The following TMC7 variants were observed in gnomAD, a reference collection of about 807,000 sequenced individuals.
TMC7 encodes transmembrane channel like 7.
A neutral mutation model predicts 82.9 loss-of-function variants in TMC7; 54 were observed. The ratio of observed to expected loss-of-function variants is 0.65; its 90% CI spans 0.52 to 0.82. TMC7 has a LOEUF of 0.82. Ranked by LOEUF, TMC7 falls within the 40% of genes least tolerant of loss-of-function variation. TMC7 has a pLI of 0.00. For missense variants in TMC7, 820 were observed against 901.2 expected (o/e 0.91, Z 1.15); for synonymous variants, 350 against 337.9 (o/e 1.04, Z -0.39).
intron 1 of TMC7, among the ~76,000 whole-genome samples, chr16:18,991,015 AC>A (rs1242993322): frequency 6.6e-6 from 1 of 152,154 alleles, no homozygotes; most frequent in African/African-American, 2.4e-5. Flanking sequence ...GAAAAATAAA[AC>A]AAAATAGTGG....
intron 9 of TMC7, among the ~76,000 whole-genome samples, chr16:19,041,765 A>T (rs1027864950): frequency 6.6e-6 from 1 of 152,278 alleles, no homozygotes; most frequent in African/African-American, 2.4e-5. Flanking sequence ...GGGGTTGCAG[A>T]TGGTTTTCCA....
At chr16:19,037,420 T>C (rs994666325) in intron 7 of TMC7, among the ~76,000 whole-genome samples, 3 of 146,018 alleles carry the variant, frequency 2.1e-5, no homozygotes, top group African/African-American at 7.5e-5. Context: ...AAAAAAGTAG[T>C]TGGGCTAAGT....
At chr16:19,055,815 G>A (rs546470232) in intron 13 of TMC7, among the ~76,000 whole-genome samples, 7 of 152,142 alleles carry the variant, frequency 4.6e-5, no homozygotes, top group African/African-American at 1.7e-4. Flanking sequence ...ACCTACCCCC[G>A]TCACCTAGGT....
chr16:19,030,567 CT>C, intron 6 of TMC7, among the ~76,000 whole-genome samples, 198 bp downstream of exon 6: 1 of 150,434 alleles, frequency 6.6e-6, no homozygotes, highest in East Asian at 1.9e-4. Flanking sequence ...GAGTAGCAGA[CT>C]GAGGTTCTTC....
chr16:19,029,913 G>C (rs566422943), intron 5 of TMC7, among the ~76,000 whole-genome samples: 5 of 151,868 alleles, frequency 3.3e-5, no homozygotes, highest in Non-Finnish European at 7.4e-5. Flanking sequence ...CGGGGGTTTT[G>C]CCATGTTGGC....
At chr16:19,023,225 C>T in intron 5 of TMC7, 30 bp downstream of exon 5, 1 of 1,392,682 alleles carries the variant, frequency 7.2e-7, no homozygotes, top group Non-Finnish European at 1.0e-6. Flanking sequence ...CTTTGTTTAG[C>T]TCCTCAATCT....
rs186220663 is a variant in TMC7, at chr16:18,986,442, G to A, written c.67+2312G>A. 3.4e-3 allele frequency among the ~76,000 whole-genome samples: 520 copies of A among 151,312 alleles called. 1 individual carries two copies. The highest frequency in any genetic ancestry group is 5.1e-3 in the Non-Finnish European group (349 of 67,920). Reference sequence around the variant, plus strand: ...ATGGCGGCATGTGCCTGTAATCCCAGCTACTGGGGAGCCTGAGGCAGGAGA... The same window carrying A: ...ATGGCGGCATGTGCCTGTAATCCCAACTACTGGGGAGCCTGAGGCAGGAGA... On this transcript the variant is annotated intron_variant, in intron 1 of 15. Transcript: ENST00000304381.
chr16:19,058,706 TTTTC>T (rs1961876398), intron 14 of TMC7, among the ~76,000 whole-genome samples: 1 of 151,928 alleles, frequency 6.6e-6, no homozygotes, highest in Admixed American at 6.6e-5. Context: ...GAGATGAGGG[TTTTC>T]TTTATTTTTT....
intron 5 of TMC7, among the ~76,000 whole-genome samples, chr16:19,026,942 A>G (rs893113542): frequency 1.3e-5 from 2 of 149,858 alleles, no homozygotes; most frequent in African/African-American, 2.5e-5. Context: ...TTGTATTTTT[A>G]GTAGAGACAG....
In TMC7 at chr16:18,990,969, CAG is replaced by C. The variant is rs374634791; in HGVS notation, c.67+6842_67+6843del. ...GGGATATGATGGCTTAGCTTGGACT[CAG>C]AGGCCTGACATTCCTGTCTTCTTAT... On this transcript the variant is annotated intron_variant, in intron 1 of 15. Transcript: ENST00000304381. Among the ~76,000 whole-genome samples the C allele has an allele frequency of 3.2e-3, 483 of 152,254 alleles. 1 individual carries two copies. Among genetic ancestry groups the C allele is most frequent in the Middle Eastern group, 0.017 (5 of 294 alleles).
chr16:18,984,211 G>C, intron 1 of TMC7, 81 bp downstream of exon 1: 2 of 1,389,432 alleles, frequency 1.4e-6, no homozygotes, highest in Non-Finnish European at 1.9e-6. Flanking sequence ...CTGGAGGCTC[G>C]GCCTGGCCGC....
chr16:19,049,319 C>T (rs563736527), intron 12 of TMC7, among the ~76,000 whole-genome samples: 106 of 152,248 alleles, frequency 7.0e-4, no homozygotes, highest in African/African-American at 2.5e-3. Flanking sequence ...CCACTGCGCC[C>T]GGCCAAAGTG....
chr16:19,027,060 C>CAT (rs1960268488), intron 5 of TMC7, among the ~76,000 whole-genome samples: 1 of 44,228 alleles, frequency 2.3e-5, no homozygotes, highest in Non-Finnish European at 5.5e-5. Flanking sequence ...CCACACCTGA[C>CAT]CTTTTTTTTT....
At chr16:19,044,793 A>AT in intron 9 of TMC7, 91 bp from the exon 10 acceptor site, 1 of 587,170 alleles carries the variant, frequency 1.7e-6, no homozygotes, top group East Asian at 3.1e-5. Flanking sequence ...AAAAAAAAAA[A>AT]GGCAGCTTCT....
intron 11 of TMC7, 117 bp from the exon 12 acceptor site, chr16:19,046,946 A>T (rs1319256953): frequency 3.6e-6 from 3 of 828,654 alleles, no homozygotes; most frequent in Non-Finnish European, 5.7e-6. Flanking sequence ...CATCTTTAAG[A>T]CATTTGACTA....
chr16:19,045,915 G>T (rs995989587), intron 11 of TMC7, among the ~76,000 whole-genome samples: 1 of 151,744 alleles, frequency 6.6e-6, no homozygotes, highest in Non-Finnish European at 1.5e-5. Context: ...ATTTTTTGTA[G>T]AGAGGGGCTC....
At position 19,008,324 on chromosome 16, in the gene TMC7, G is replaced by A. The variant is rs77631142; in HGVS notation, c.68-848G>A. On this transcript the variant is annotated intron_variant, in intron 1 of 15. Transcript: ENST00000304381. ...TCTAGCTCTGGCCTGATATAGAAAC[G>A]ATAAGGGTTTTGGAGTCAGCCCTGG... Among the ~76,000 whole-genome samples the A allele has an allele frequency of 4.1e-3, 626 of 152,298 alleles. 6 individuals carry two copies. Among genetic ancestry groups the A allele is most frequent in the African/African-American group, 0.014 (590 of 41,566 alleles).
chr16:19,027,023 A>G (rs34628819), intron 5 of TMC7, among the ~76,000 whole-genome samples: 42,788 of 142,268 alleles, frequency 0.3, 6,568 homozygotes, highest in Non-Finnish European at 0.33. Context: ...CGGCCTCCCA[A>G]AGTGCTGGGA....
intron 8 of TMC7, among the ~76,000 whole-genome samples, chr16:19,039,023 G>C (rs973341522): frequency 2.0e-4 from 30 of 151,678 alleles, no homozygotes; most frequent in African/African-American, 7.3e-4. Flanking sequence ...ATCATCAGGG[G>C]TCCAGGTTCC....
Sources: allele counts gnomAD v4.1 joint callset (sites outside exome capture counted in the v4.1 genomes callset), GRCh38; gene constraint gnomAD v4.1.1; transcripts MANE v1.5; gene names NCBI Gene and HGNC (gene_info 2026-07-23, HGNC 2026-07-21).